The following INPP4B variants were observed in gnomAD, a reference collection of about 807,000 sequenced individuals.
INPP4B encodes the protein inositol polyphosphate-4-phosphatase type II B, also known as inositol polyphosphate 4-phosphatase type II.
INPP4B carries 55 observed loss-of-function variants against 122.5 expected under a neutral mutation model. That is an observed-to-expected ratio of 0.45 (90% CI 0.36 to 0.56). The LOEUF is 0.56. INPP4B is among the 20% of genes least tolerant of loss of function. INPP4B has a pLI of 0.00. For missense variants in INPP4B, 1,000 were observed against 1,097.7 expected, an observed-to-expected ratio of 0.91 and a Z score of 1.26; for synonymous variants, 403 against 388.7, an observed-to-expected ratio of 1.04 and a Z score of -0.43.
chr4:142,735,885 G>A (rs2150897612), intron 1 of INPP4B, among the ~76,000 whole-genome samples: 1 of 150,326 alleles, frequency 6.7e-6, no homozygotes, highest in South Asian at 2.1e-4. Context: ...TATCGCCTAG[G>A]AGTTTAAAGA....
At chr4:142,329,538 G>A (rs966063711) in intron 7 of INPP4B, among the ~76,000 whole-genome samples, 13 of 152,134 alleles carry the variant, frequency 8.5e-5, no homozygotes, top group African/African-American at 3.1e-4. Flanking sequence ...TGTGGAGAAC[G>A]GACTGCAGGA....
chr4:142,558,876 C>T (rs1162852360), intron 2 of INPP4B, among the ~76,000 whole-genome samples: 1 of 147,134 alleles, frequency 6.8e-6, no homozygotes, highest in Non-Finnish European at 1.5e-5. Context: ...GATCGCCTGT[C>T]AGGTGAAGAC....
At chr4:142,648,959 C>G (rs1752377841) in intron 2 of INPP4B, among the ~76,000 whole-genome samples, 1 of 152,116 alleles carries the variant, frequency 6.6e-6, no homozygotes, top group African/African-American at 2.4e-5. Flanking sequence ...CGACAGACAC[C>G]TCATATAGGT....
chr4:142,359,954 A>T (rs1465741210), intron 7 of INPP4B, among the ~76,000 whole-genome samples: 1 of 151,976 alleles, frequency 6.6e-6, no homozygotes, highest in Non-Finnish European at 1.5e-5. Context: ...GAACTTCTGA[A>T]AACTATTATT....
intron 1 of INPP4B, among the ~76,000 whole-genome samples, chr4:142,827,874 C>T (rs771346936): frequency 1.1e-4 from 16 of 152,068 alleles, no homozygotes; most frequent in Non-Finnish European, 5.9e-5. Flanking sequence ...AATACCAAAA[C>T]AATTCCTGCC....
chr4:142,069,942 C>A (rs963859502), intron 25 of INPP4B, among the ~76,000 whole-genome samples: 2 of 152,102 alleles, frequency 1.3e-5, no homozygotes, highest in East Asian at 1.9e-4. Context: ...TGAAACCATT[C>A]CAATCAAAAG....
rs771207398 is a variant in INPP4B at position 142,173,805 on chromosome 4, C to T, written c.1186G>A (p.Gly396Arg). Residue 396 changes from glycine (G) to arginine (R), a missense_variant, in exon 16 of 26, where the codon GGA becomes AGA. Gly to Arg is a moderately radical substitution (Grantham distance 125). Coordinates refer to ENST00000262992, the MANE Select transcript of INPP4B (RefSeq NM_001101669.3). ...GGTGAATAGTAAATAAACTGGTATC[C>T]GGTACTGCAACAACAAAGATAAAAA... The part of the protein sequence containing the change: ...HRFETERRNT[G>R]YQFIYYSPEN... The T allele has an allele frequency of 1.2e-5, 20 of 1,611,720 alleles. No individual in the cohort carries two copies. The highest frequency in any genetic ancestry group is 5.4e-5 in the African/African-American group (4 of 74,726).
intron 2 of INPP4B, among the ~76,000 whole-genome samples, chr4:142,527,758 C>T (rs1015568087): frequency 6.6e-6 from 1 of 151,742 alleles, no homozygotes; most frequent in East Asian, 1.9e-4. Context: ...CTGTAGGGGT[C>T]CTAGAATTTT....
chr4:142,832,766 CG>C lies in INPP4B; in HGVS notation c.-254+13442del, dbSNP rs199718585. On this transcript the variant is annotated intron_variant, in intron 1 of 25. Transcript: ENST00000262992. ...CATATCACAGTCTCTACTCCCCCCC[CG>C]CATTGTCTTATACCTAATCCATTTC... 6.1e-4 allele frequency among the ~76,000 whole-genome samples: 92 copies of C among 151,850 alleles called. 2 individuals carry two copies. Among genetic ancestry groups the C allele is most frequent in the African/African-American group, 2.2e-3 (91 of 41,174 alleles).
At chr4:142,554,066 G>A (rs1046905090) in intron 2 of INPP4B, among the ~76,000 whole-genome samples, 3 of 151,740 alleles carry the variant, frequency 2.0e-5, no homozygotes, top group Non-Finnish European at 2.9e-5. Flanking sequence ...GCCAGCGCCT[G>A]TAATCCCAGC....
chr4:142,657,315 G>T (rs1365347314), intron 2 of INPP4B, among the ~76,000 whole-genome samples: 2 of 152,176 alleles, frequency 1.3e-5, no homozygotes, highest in African/African-American at 2.4e-5. Context: ...TGCAAGGTTT[G>T]TTAAGTGTTT....
At chr4:142,206,047 G>T (rs531290105) in intron 14 of INPP4B, among the ~76,000 whole-genome samples, 1 of 152,206 alleles carries the variant, frequency 6.6e-6, no homozygotes, top group Non-Finnish European at 1.5e-5. Context: ...AGATCAAGGC[G>T]CTGGTATCTG....
chr4:142,128,106 C>G (rs1207514348), intron 18 of INPP4B, among the ~76,000 whole-genome samples: 1 of 151,900 alleles, frequency 6.6e-6, no homozygotes. Context: ...GTCACTTGCC[C>G]CTCACCTTTA....
chr4:142,771,286 T>C (rs531284971), intron 1 of INPP4B, among the ~76,000 whole-genome samples: 1 of 152,184 alleles, frequency 6.6e-6, no homozygotes, highest in Non-Finnish European at 1.5e-5. Flanking sequence ...AGTGGGCCAT[T>C]GGATAATGTA....
chr4:142,080,492 T>C (rs1056708539), intron 25 of INPP4B, among the ~76,000 whole-genome samples: 187 of 152,238 alleles, frequency 1.2e-3, no homozygotes, highest in African/African-American at 4.2e-3. Context: ...TGTTTTAGAT[T>C]AAATTTCTAG....
chr4:142,150,938 G>T (rs1372228617), intron 17 of INPP4B, among the ~76,000 whole-genome samples: 1 of 152,150 alleles, frequency 6.6e-6, no homozygotes, highest in Admixed American at 6.5e-5. Context: ...CTAAGCCAGA[G>T]CTGATATAGA....
intron 2 of INPP4B, among the ~76,000 whole-genome samples, chr4:142,689,354 A>C (rs1759823665): frequency 6.6e-6 from 1 of 152,100 alleles, no homozygotes; most frequent in Non-Finnish European, 1.5e-5. Context: ...ATTAATTTAC[A>C]TGTTTGTTGG....
intron 23 of INPP4B, among the ~76,000 whole-genome samples, chr4:142,095,869 T>G (rs1489018032): frequency 6.6e-6 from 1 of 152,196 alleles, no homozygotes; most frequent in Admixed American, 6.5e-5. Flanking sequence ...AAAAGCTCAG[T>G]GTACCACAAT....
At chr4:142,558,125 C>T (rs932878399) in intron 2 of INPP4B, among the ~76,000 whole-genome samples, 20 of 152,144 alleles carry the variant, frequency 1.3e-4, no homozygotes, top group African/African-American at 4.8e-4. Flanking sequence ...CTGTACTGTA[C>T]CTATCATCTC....
Sources: allele counts gnomAD v4.1 joint callset (sites outside exome capture counted in the v4.1 genomes callset), GRCh38; gene constraint gnomAD v4.1.1; transcripts MANE v1.5; gene names NCBI Gene and HGNC (gene_info 2026-07-23, HGNC 2026-07-21).